The following ASB4 variants were observed in gnomAD, a reference collection of about 807,000 sequenced individuals.
ASB4 encodes the protein ankyrin repeat and SOCS box containing 4.
A neutral mutation model predicts 38.6 loss-of-function variants in ASB4; 35 were observed. That is an observed-to-expected ratio of 0.91 (90% CI 0.69 to 1.20). ASB4 has a LOEUF of 1.20. Ranked by LOEUF, ASB4 falls within the 50% of genes most tolerant of loss-of-function variation. The pLI is 0.00. For synonymous variants in ASB4, 195 were observed against 201.3 expected, an observed-to-expected ratio of 0.97 and a Z score of 0.26; for missense variants, 557 against 527.2, an observed-to-expected ratio of 1.06 and a Z score of -0.55.
At chr7:95,529,624 TTAAC>T (rs1160545880) in intron 3 of ASB4, among the ~76,000 whole-genome samples, 1 of 152,172 alleles carries the variant, frequency 6.6e-6, no homozygotes. Flanking sequence ...TAATGGAAGA[TTAAC>T]TAATTCTTTT....
intron 1 of ASB4, among the ~76,000 whole-genome samples, chr7:95,494,277 G>A (rs967522728): frequency 7.2e-5 from 11 of 152,298 alleles, no homozygotes; most frequent in Non-Finnish European, 2.9e-5. Context: ...AGCAGTCATC[G>A]TAATATTCTA....
chr7:95,514,114 C>T (rs1790522590), intron 2 of ASB4, among the ~76,000 whole-genome samples: 1 of 152,196 alleles, frequency 6.6e-6, no homozygotes, highest in African/African-American at 2.4e-5. Context: ...CTCTCAGTTA[C>T]ACTGCACCAA....
At chr7:95,510,771 T>C (rs1041239746) in intron 2 of ASB4, among the ~76,000 whole-genome samples, 1 of 152,234 alleles carries the variant, frequency 6.6e-6, no homozygotes, top group Non-Finnish European at 1.5e-5. Flanking sequence ...AAAAACCATA[T>C]GTGTCTTCTG....
intron 2 of ASB4, among the ~76,000 whole-genome samples, chr7:95,507,087 C>T (rs1219672097): frequency 2.0e-5 from 3 of 151,906 alleles, no homozygotes; most frequent in Admixed American, 6.6e-5. Context: ...ATTTAAGATC[C>T]GAGTCACTAA....
At chr7:95,485,887 G>C, upstream of ASB4, 1 of 1,234,480 alleles carries the variant, frequency 8.1e-7, no homozygotes. Context: ...TTAGCCGACA[G>C]TTTGTGGACT....
downstream of ASB4, chr7:95,542,827 C>G (rs2116667554): frequency 6.6e-6 from 1 of 152,326 alleles, no homozygotes; most frequent in Non-Finnish European, 1.5e-5. Context: ...AGAGCTATGT[C>G]TCAATGATAT....
intron 2 of ASB4, among the ~76,000 whole-genome samples, chr7:95,498,138 G>C (rs1414763723): frequency 3.9e-5 from 6 of 152,158 alleles, no homozygotes; most frequent in Non-Finnish European, 8.8e-5. Flanking sequence ...AGCAATGTAT[G>C]AGAATTCCAG....
chr7:95,479,334 C>G (rs1434171322), intron 1 of ASB4, among the ~76,000 whole-genome samples: 1 of 151,930 alleles, frequency 6.6e-6, no homozygotes, highest in African/African-American at 2.4e-5. Flanking sequence ...ATATGTAACT[C>G]TCCTATAATG....
In ASB4 at chr7:95,528,223, C is replaced by T; in HGVS notation, c.898C>T (p.Pro300Ser). 2 of 1,614,120 alleles carry T rather than the reference C, an allele frequency of 1.2e-6. No individual in the cohort carries two copies. Among genetic ancestry groups the T allele is most frequent in the Non-Finnish European group, 1.7e-6 (2 of 1,180,028 alleles). The change falls in exon 3 of 5, where the codon CCT becomes TCT. Residue 300 changes from proline to serine, a missense_variant. Transcript: ENST00000325885. ...QYVLKVTSVR[P>S]AAQPEICYQL... ...CGTGCTGAAGGTCACCTCCGTGCGC[C>T]CTGCTGCCCAGCCTGAGATCTGCTA...
chr7:95,513,064 G>A (rs761382731), intron 2 of ASB4, among the ~76,000 whole-genome samples: 2 of 152,040 alleles, frequency 1.3e-5, no homozygotes, highest in Non-Finnish European at 2.9e-5. Flanking sequence ...ATAGAAGGAA[G>A]GTCAGAGAGA....
At chr7:95,546,160 A>G in the ASB4 span, among the ~76,000 whole-genome samples, 60 of 152,278 alleles carry the variant, frequency 3.9e-4, no homozygotes, top group African/African-American at 1.4e-3. Flanking sequence ...ATAAATTGCA[A>G]TTATTATTAT....
chr7:95,528,612 AG>A, intron 3 of ASB4: 1 of 1,330,664 alleles, frequency 7.5e-7, no homozygotes, highest in African/African-American at 1.5e-5. Context: ...AAAGGTGAAT[AG>A]TGTTAGACAG....
chr7:95,545,479 A>G, the ASB4 span, among the ~76,000 whole-genome samples: 1 of 152,120 alleles, frequency 6.6e-6, no homozygotes, highest in Non-Finnish European at 1.5e-5. Flanking sequence ...TGAAATAGAC[A>G]ATTTCATTAG....
upstream of ASB4, among the ~76,000 whole-genome samples, chr7:95,483,030 T>C (rs1394763084): frequency 2.0e-5 from 3 of 152,210 alleles, no homozygotes; most frequent in East Asian, 5.8e-4. Flanking sequence ...AGAAGATGAC[T>C]TGTTCTTCAT....
At chr7:95,523,957 A>C (rs1017983192) in intron 2 of ASB4, among the ~76,000 whole-genome samples, 1 of 152,226 alleles carries the variant, frequency 6.6e-6, no homozygotes, top group Non-Finnish European at 1.5e-5. Flanking sequence ...CTCTGCAACC[A>C]AGAAATTGGC....
intron 1 of ASB4, among the ~76,000 whole-genome samples, chr7:95,492,508 C>T (rs1055221499): frequency 2.6e-5 from 4 of 152,152 alleles, no homozygotes; most frequent in Admixed American, 1.3e-4. Flanking sequence ...CAACTCATGG[C>T]TCTAGCAGGC....
the ASB4 span, among the ~76,000 whole-genome samples, chr7:95,550,784 A>G: frequency 2.6e-5 from 4 of 152,160 alleles, no homozygotes; most frequent in African/African-American, 9.7e-5. Context: ...TAGCTTCAGC[A>G]AGGACGGCAA....
chr7:95,540,255 A>C (rs565602760), downstream of ASB4: 3 of 152,318 alleles, frequency 2.0e-5, no homozygotes, highest in Admixed American at 6.5e-5. Context: ...ACTTACCAAT[A>C]AGACTCTTTT....
At chr7:95,501,793 G>C (rs956167800) in intron 2 of ASB4, among the ~76,000 whole-genome samples, 4 of 152,136 alleles carry the variant, frequency 2.6e-5, no homozygotes, top group African/African-American at 9.7e-5. Flanking sequence ...CTAGAGATGA[G>C]AAGGAAGAAA....
Sources: allele counts gnomAD v4.1 joint callset (sites outside exome capture counted in the v4.1 genomes callset), GRCh38; gene constraint gnomAD v4.1.1; transcripts MANE v1.5; gene names NCBI Gene and HGNC (gene_info 2026-07-23, HGNC 2026-07-21).